The following NRXN3 variants were observed in gnomAD, a reference collection of about 807,000 sequenced individuals.
NRXN3 encodes neurexin III.
A neutral mutation model predicts 137.6 loss-of-function variants in NRXN3; 32 were observed. The observed-to-expected ratio is 0.23, with a 90% CI of 0.18 to 0.31. The LOEUF (loss-of-function observed/expected upper bound fraction) is 0.31. NRXN3 is among the 10% of genes least tolerant of loss of function. NRXN3 has a pLI of 1.00. For synonymous variants in NRXN3, 798 were observed against 784.5 expected, an observed-to-expected ratio of 1.02 and a Z score of -0.29; for missense variants, 1,574 against 2,062.5, an observed-to-expected ratio of 0.76 and a Z score of 4.59.
intron 10 of NRXN3, among the ~76,000 whole-genome samples, chr14:78,956,717 C>T (rs987971617): frequency 3.9e-5 from 6 of 152,200 alleles, no homozygotes; most frequent in African/African-American, 1.2e-4. Context: ...TTTCTATGGT[C>T]GTGAATCCTA....
intron 4 of NRXN3, among the ~76,000 whole-genome samples, chr14:78,597,208 AGG>A (rs1395533965): frequency 1.3e-5 from 2 of 152,180 alleles, no homozygotes; most frequent in Admixed American, 1.3e-4. Flanking sequence ...GCTGATAAGG[AGG>A]GTGAGGAAAA....
rs564338365 is a variant in NRXN3, at chr14:78,674,774, T to C, written c.1221+23448T>C. 2.0e-5 allele frequency among the ~76,000 whole-genome samples: 3 copies of C among 152,338 alleles called. No individual in the cohort carries two copies. In the South Asian group the frequency reaches 6.2e-4, roughly 32 times the overall value. ...TTATGTCTTCCAGGTCACATTAAAA[T>C]GTTTTGCTTGAATTAGAATAAAAGT... On this transcript the variant is annotated intron_variant, in intron 6 of 20. Transcript: ENST00000335750.
intron 4 of NRXN3, among the ~76,000 whole-genome samples, chr14:78,523,990 A>G (rs1008597022): frequency 4.6e-5 from 7 of 152,186 alleles, no homozygotes; most frequent in African/African-American, 1.7e-4. Flanking sequence ...AAAACAGCCC[A>G]ATCAATGTCC....
At chr14:79,499,125 T>A (rs2096795414) in intron 16 of NRXN3, among the ~76,000 whole-genome samples, 1 of 152,168 alleles carries the variant, frequency 6.6e-6, no homozygotes, top group African/African-American at 2.4e-5. Flanking sequence ...CACCCCCAAT[T>A]AAAATCCTCA....
chr14:79,861,390 C>G lies in NRXN3; in HGVS notation c.4142C>G (p.Ala1381Gly), dbSNP rs2099413642. ...SIFEGGYKAH[A>G]PKWESKDFRP... ...TTCGAAGGTGGCTACAAAGCACATG[C>G]GCCCAAGTGGGAATCCAAGGACTTT... is the stretch of plus-strand genomic sequence containing the variant. The change falls in exon 21 of 21, where the codon GCG (alanine) becomes GGG (glycine). Residue 1381 changes from alanine (A) to glycine (G), a missense_variant. Physicochemically the swap from Ala to Gly is moderately conservative, Grantham distance 60. Around this residue, in one of 5 missense-constraint regions of NRXN3, gnomAD observed 320 missense variants for 387.1 expected, o/e 0.83. Transcript: ENST00000335750. This position sits in a 1 kb window ranked among gnomAD's most constrained non-coding sequence, Gnocchi z 5.4. 1.3e-6 allele frequency: 2 copies of G among 1,536,090 alleles called. No individual in the cohort carries two copies. Among genetic ancestry groups the G allele is most frequent in the African/African-American group, 1.4e-5 (1 of 73,024 alleles).
chr14:79,043,629 G>A (rs1054321381), intron 15 of NRXN3, among the ~76,000 whole-genome samples: 4 of 152,076 alleles, frequency 2.6e-5, no homozygotes, highest in Admixed American at 1.3e-4. Context: ...CTATGGCCCG[G>A]GACAGCTCCT....
chr14:79,057,278 T>C (rs1295839890), intron 15 of NRXN3, among the ~76,000 whole-genome samples: 2 of 152,178 alleles, frequency 1.3e-5, no homozygotes, highest in Non-Finnish European at 2.9e-5. Flanking sequence ...CTAATGAAAA[T>C]GTGGGAGTTC....
intron 3 of NRXN3, among the ~76,000 whole-genome samples, chr14:78,287,506 G>A (rs548705232): frequency 1.3e-5 from 2 of 152,232 alleles, no homozygotes; most frequent in Non-Finnish European, 2.9e-5. Flanking sequence ...AGGCCCAATA[G>A]ATTGTCAAGG....
At chr14:79,206,624 C>T (rs2066833342) in intron 15 of NRXN3, among the ~76,000 whole-genome samples, 1 of 152,188 alleles carries the variant, frequency 6.6e-6, no homozygotes, top group Non-Finnish European at 1.5e-5. Context: ...GACAACCCTG[C>T]CTTTCCAATA....
intron 16 of NRXN3, among the ~76,000 whole-genome samples, chr14:79,633,583 A>G (rs1240850190): frequency 7.2e-6 from 1 of 139,086 alleles, no homozygotes; most frequent in Non-Finnish European, 1.5e-5. Flanking sequence ...AAAGTAGCTG[A>G]TGTTTCAGGA....
intron 15 of NRXN3, among the ~76,000 whole-genome samples, chr14:79,276,709 T>TAAAAAAAAA (rs757712972): frequency 8.2e-6 from 1 of 122,040 alleles, no homozygotes; most frequent in African/African-American, 3.0e-5. Flanking sequence ...CAATGCCAAT[T>TAAAAAAAAA]AAAAAAAAAA....
At chr14:79,333,471 A>G (rs2091961455) in intron 15 of NRXN3, among the ~76,000 whole-genome samples, 1 of 152,112 alleles carries the variant, frequency 6.6e-6, no homozygotes, top group African/African-American at 2.4e-5. Flanking sequence ...CTGCTGTTTT[A>G]TGTGGCACTG....
At chr14:79,594,024 CATCATGT>C (rs1317086287) in intron 16 of NRXN3, among the ~76,000 whole-genome samples, 1 of 152,104 alleles carries the variant, frequency 6.6e-6, no homozygotes, top group Non-Finnish European at 1.5e-5. Context: ...AAGCTTGAAT[CATCATGT>C]AAATGTTTTA....
intron 15 of NRXN3, among the ~76,000 whole-genome samples, chr14:79,374,114 T>C (rs2094191321): frequency 6.6e-6 from 1 of 152,198 alleles, no homozygotes; most frequent in South Asian, 2.1e-4. Context: ...TGCCATGTCA[T>C]GAAAGTAAAG....
chr14:79,395,654 A>G (rs1342411659), intron 15 of NRXN3, among the ~76,000 whole-genome samples: 6 of 151,778 alleles, frequency 4.0e-5, no homozygotes, highest in African/African-American at 7.3e-5. Context: ...TAAAAATACA[A>G]AAAAATTAGC....
chr14:78,840,391 G>GT (rs2099008941), intron 10 of NRXN3, among the ~76,000 whole-genome samples: 1 of 152,134 alleles, frequency 6.6e-6, no homozygotes, highest in African/African-American at 2.4e-5. Flanking sequence ...AAAAGAGATT[G>GT]GATCAATATA....
At chr14:79,542,985 A>G (rs187861657) in intron 16 of NRXN3, among the ~76,000 whole-genome samples, 1 of 152,230 alleles carries the variant, frequency 6.6e-6, no homozygotes, top group East Asian at 1.9e-4. Context: ...CAAGGAGAAA[A>G]GGGCTCTGTA....
chr14:78,561,646 T>A (rs1411051192), intron 4 of NRXN3, among the ~76,000 whole-genome samples: 2 of 152,180 alleles, frequency 1.3e-5, no homozygotes, highest in Admixed American at 6.5e-5. Context: ...TCCAAAATGA[T>A]ATGATTTTCA....
chr14:79,181,836 T>A (rs1487648663), intron 15 of NRXN3, among the ~76,000 whole-genome samples: 1 of 151,868 alleles, frequency 6.6e-6, no homozygotes, highest in Non-Finnish European at 1.5e-5. Context: ...TAAGGAGAGA[T>A]CCTATATTTT....
Sources: gnomAD v4.1 joint callset for allele counts (sites outside exome capture counted in the v4.1 genomes callset) on GRCh38, gnomAD v4.1.1 for gene constraint, gnomAD v4.1.1 regional missense constraint, Gnocchi (gnomAD v3.1) non-coding constraint, MANE v1.5 for transcripts, NCBI Gene and HGNC (gene_info 2026-07-23, HGNC 2026-07-21) for gene names.